CAB39L: variants seen among roughly 807,000 people sequenced by gnomAD.
CAB39L encodes the protein calcium-binding protein 39-like.
In CAB39L, 23 loss-of-function variants were observed where a neutral mutation model predicts 39.1. That is an observed-to-expected ratio of 0.59 (90% confidence interval 0.42 to 0.83). CAB39L has a LOEUF of 0.83. Ranked by LOEUF, CAB39L falls within the 40% of genes least tolerant of loss-of-function variation. CAB39L has a pLI of 0.00. For synonymous variants in CAB39L, 126 were observed against 137.2 expected (o/e 0.92, Z 0.57); for missense variants, 366 against 391.9 (o/e 0.93, Z 0.56).
intron 4 of CAB39L, among the ~76,000 whole-genome samples, chr13:49,379,093 G>A (rs1160516903): frequency 5.9e-5 from 3 of 51,084 alleles, no homozygotes; most frequent in African/African-American, 4.3e-4. Flanking sequence ...CCCCCCGCCC[G>A]GCCAGCCGCC....
rs76965616 is a variant in CAB39L at position 49,443,298 on chromosome 13, C to T, written c.-246+688G>A. 3.0e-3 allele frequency among the ~76,000 whole-genome samples: 450 copies of T among 150,574 alleles called. 1 individual carries two copies. The highest frequency in any genetic ancestry group is 0.01 in the Middle Eastern group (3 of 294). On this transcript the variant is annotated intron_variant, in intron 1 of 10. Coordinates refer to ENST00000409308, the MANE Select transcript of CAB39L (RefSeq NM_001079670.3). ...GATTTGACAAAATTCTTCCTTCACG[C>T]CCCGTTTCTGCAAGACCACCACTTT...
At chr13:49,339,777 G>T (rs762280129) in intron 8 of CAB39L, 35 bp from the exon 9 acceptor site, 1 of 1,507,588 alleles carries the variant, frequency 6.6e-7, no homozygotes, top group South Asian at 1.4e-5. Flanking sequence ...GAGTGTAAAA[G>T]CAGCAGTGGA....
intron 10 of CAB39L, among the ~76,000 whole-genome samples, chr13:49,328,869 T>C (rs1283837589): frequency 6.6e-6 from 1 of 152,160 alleles, no homozygotes; most frequent in Non-Finnish European, 1.5e-5. Flanking sequence ...TGACTTTTTA[T>C]TTCTTTTTAA....
intron 1 of CAB39L, among the ~76,000 whole-genome samples, chr13:49,435,609 T>C (rs2138743319): frequency 6.6e-6 from 1 of 152,300 alleles, no homozygotes; most frequent in Non-Finnish European, 1.5e-5. Context: ...CAAGCAATTC[T>C]CCTCCCTCAG....
At chr13:49,327,327 A>T (rs1380858599) in intron 10 of CAB39L, among the ~76,000 whole-genome samples, 1 of 151,162 alleles carries the variant, frequency 6.6e-6, no homozygotes, top group Non-Finnish European at 1.5e-5. Context: ...TTTTTGAGAC[A>T]GAGTCTCGCT....
intron 10 of CAB39L, among the ~76,000 whole-genome samples, chr13:49,321,477 AT>A (rs1166180886): frequency 2.0e-5 from 3 of 152,150 alleles, no homozygotes; most frequent in African/African-American, 7.2e-5. Flanking sequence ...GGAAGATACA[AT>A]TTTTCCCCAA....
At chr13:49,421,264 AAACTT>A (rs1404012495) in intron 3 of CAB39L, among the ~76,000 whole-genome samples, 1 of 152,162 alleles carries the variant, frequency 6.6e-6, no homozygotes, top group Non-Finnish European at 1.5e-5. Flanking sequence ...GCAAGACAGA[AAACTT>A]AAAGGCAATA....
At chr13:49,323,077 T>C (rs531859773) in intron 10 of CAB39L, among the ~76,000 whole-genome samples, 1 of 152,334 alleles carries the variant, frequency 6.6e-6, no homozygotes, top group East Asian at 1.9e-4. Flanking sequence ...GGCTTCTCTC[T>C]GCTGAGCCTC....
chr13:49,328,522 T>C (rs1954570330), intron 10 of CAB39L, among the ~76,000 whole-genome samples: 1 of 152,200 alleles, frequency 6.6e-6, no homozygotes, highest in South Asian at 2.1e-4. Flanking sequence ...GTTTAAAATT[T>C]TAGTGTGGTC....
chr13:49,415,340 C>G (rs2138696826), intron 3 of CAB39L, among the ~76,000 whole-genome samples: 1 of 151,576 alleles, frequency 6.6e-6, no homozygotes, highest in African/African-American at 2.4e-5. Context: ...TATGGTGAAA[C>G]CCCTTCTCTA....
chr13:49,376,435 G>A (rs923461789), intron 5 of CAB39L, among the ~76,000 whole-genome samples: 1 of 152,084 alleles, frequency 6.6e-6, no homozygotes, highest in Admixed American at 6.5e-5. Context: ...TTATTATTTA[G>A]GTAAATTAGG....
intron 3 of CAB39L, among the ~76,000 whole-genome samples, chr13:49,390,766 T>A (rs2138619829): frequency 6.6e-6 from 1 of 151,462 alleles, no homozygotes; most frequent in African/African-American, 2.4e-5. Context: ...GAAAAACAAA[T>A]CCACAATTTA....
At chr13:49,406,560 T>G (rs950771731) in intron 3 of CAB39L, among the ~76,000 whole-genome samples, 1 of 151,854 alleles carries the variant, frequency 6.6e-6, no homozygotes, top group African/African-American at 2.4e-5. Flanking sequence ...TTATTACACA[T>G]TGCATGCCTA....
chr13:49,347,315 A>AAT (rs1412487333), intron 7 of CAB39L, among the ~76,000 whole-genome samples: 1 of 152,228 alleles, frequency 6.6e-6, no homozygotes, highest in African/African-American at 2.4e-5. Flanking sequence ...CTGAAAATTA[A>AAT]ATTGGGCTGA....
At chr13:49,402,057 A>C (rs887397022) in intron 3 of CAB39L, among the ~76,000 whole-genome samples, 3 of 152,180 alleles carry the variant, frequency 2.0e-5, no homozygotes, top group African/African-American at 7.2e-5. Flanking sequence ...GGAAAATTAT[A>C]AAGAACATAG....
At chr13:49,322,225 T>C (rs1437078998) in intron 10 of CAB39L, among the ~76,000 whole-genome samples, 1 of 152,200 alleles carries the variant, frequency 6.6e-6, no homozygotes, top group African/African-American at 2.4e-5. Flanking sequence ...ATTCTAGACA[T>C]TCATATAAAT....
chr13:49,411,424 A>AG (rs1229357416), intron 3 of CAB39L, among the ~76,000 whole-genome samples: 18 of 151,502 alleles, frequency 1.2e-4, no homozygotes, highest in Admixed American at 2.0e-4. Flanking sequence ...AAAAAAAAAA[A>AG]AAAGAAAATC....
At chr13:49,315,847 G>A (rs1475886169) in intron 10 of CAB39L, among the ~76,000 whole-genome samples, 2 of 149,218 alleles carry the variant, frequency 1.3e-5, no homozygotes, top group Admixed American at 6.7e-5. Flanking sequence ...ATCGTGCCAC[G>A]GCACTCCAGC....
intron 5 of CAB39L, among the ~76,000 whole-genome samples, chr13:49,367,463 G>A (rs1160010975): frequency 6.6e-6 from 1 of 152,204 alleles, no homozygotes; most frequent in Non-Finnish European, 1.5e-5. Context: ...AGCAGTTCCT[G>A]AAACAGCTAA....
Sources: gnomAD v4.1 joint callset for allele counts (sites outside exome capture counted in the v4.1 genomes callset) on GRCh38, gnomAD v4.1.1 for gene constraint, MANE v1.5 for transcripts, NCBI Gene and HGNC (gene_info 2026-07-23, HGNC 2026-07-21) for gene names.